Variants in MAP4 observed in about 807,000 individuals in gnomAD.
MAP4 encodes microtubule associated protein 4.
A neutral mutation model predicts 170.2 loss-of-function variants in MAP4; 76 were observed. That is an observed-to-expected ratio of 0.45 (90% confidence interval 0.37 to 0.54). The LOEUF is 0.54. Ranked by LOEUF, MAP4 falls within the 20% of genes least tolerant of loss-of-function variation. The probability of loss-of-function intolerance (pLI) is 0.00; values close to 1 mark genes in which losing one functional copy is unlikely to be tolerated. For missense variants in MAP4, 2,506 were observed against 2,748.0 expected (o/e 0.91, Z 1.97); for synonymous variants, 909 against 994.5 (o/e 0.91, Z 1.62).
intron 3 of MAP4, among the ~76,000 whole-genome samples, chr3:47,956,423 T>C (rs2100067870): frequency 6.6e-6 from 1 of 152,076 alleles, no homozygotes; most frequent in Admixed American, 6.5e-5. Context: ...TTTAAAGAGG[T>C]AGGACTGAAG....
chr3:48,077,900 A>C (rs1387239750), intron 1 of MAP4, among the ~76,000 whole-genome samples: 11 of 152,222 alleles, frequency 7.2e-5, no homozygotes, highest in Non-Finnish European at 1.5e-5. Context: ...TGAACCTAAA[A>C]GCATTATGCT....
Position 47,851,083 on chromosome 3 carries a change from G to A in MAP4, c.*1851C>T, listed in dbSNP as rs1472536740. ...TGCTGTTGCCCCTGAGGTGTCTCCT[G>A]ACTACGCAACCCTGTTTCCTTCCCA... On this transcript the variant is annotated 3_prime_UTR_variant, in exon 21 of 21. Transcript: ENST00000683076. 6.6e-6 allele frequency: 1 copy of A among 152,288 alleles called. No individual in the cohort carries two copies. The highest frequency in any genetic ancestry group is 6.5e-5 in the Admixed American group (1 of 15,280). The allele number at this position is 152,288 out of a possible 1,614,324, so 9.4% of individuals were successfully genotyped here. A position where few individuals can be genotyped will look rare whatever the true frequency, so the allele number is the denominator to read the frequency against.
At chr3:47,946,712 A>T (rs2100060265) in intron 3 of MAP4, among the ~76,000 whole-genome samples, 1 of 151,808 alleles carries the variant, frequency 6.6e-6, no homozygotes, top group South Asian at 2.1e-4. Flanking sequence ...TCAGGATAAT[A>T]GACATAATAA....
chr3:47,922,463 C>A lies in MAP4; in HGVS notation c.416-585G>T, dbSNP rs144777646. ...GGGCAACTAATGCTCAGCTGTATAA[C>A]AAACACTCTGAGAGGTGAAAGTATA... On this transcript the variant is annotated intron_variant, in intron 4 of 20. Coordinates refer to ENST00000683076, the MANE Select transcript of MAP4 (RefSeq NM_001385682.1). 3.4e-3 allele frequency among the ~76,000 whole-genome samples: 518 copies of A among 152,056 alleles called. 3 individuals carry two copies. The highest frequency in any genetic ancestry group is 0.01 in the Middle Eastern group (3 of 292).
intron 1 of MAP4, among the ~76,000 whole-genome samples, chr3:48,076,327 T>A (rs377441531): frequency 6.2e-4 from 94 of 150,506 alleles, no homozygotes; most frequent in African/African-American, 2.2e-3. Flanking sequence ...AAACTTCATC[T>A]CTACTAAAAA....
At chr3:48,088,056 G>A (rs1050807591) in intron 1 of MAP4, among the ~76,000 whole-genome samples, 9 of 152,206 alleles carry the variant, frequency 5.9e-5, no homozygotes, top group Admixed American at 5.2e-4. Flanking sequence ...CTCCTCCACA[G>A]GACAATTTCA....
intron 3 of MAP4, among the ~76,000 whole-genome samples, chr3:47,952,276 C>G (rs920786488): frequency 2.1e-4 from 31 of 149,962 alleles, no homozygotes; most frequent in Admixed American, 4.0e-4. Flanking sequence ...TCAGCCCCCC[C>G]GCCCGGCCAG....
chr3:47,858,618 C>T (rs866887871), intron 17 of MAP4, among the ~76,000 whole-genome samples: 198 of 113,670 alleles, frequency 1.7e-3, no homozygotes, highest in African/African-American at 7.4e-3. Context: ...TGTGTGTGCG[C>T]GTTGTGTGTG....
intron 1 of MAP4, among the ~76,000 whole-genome samples, chr3:48,073,532 A>C (rs1040662355): frequency 2.6e-5 from 4 of 151,022 alleles, no homozygotes; most frequent in African/African-American, 9.7e-5. Context: ...AATCGCTTGA[A>C]CCCAGGAGGC....
chr3:47,855,994 G>A lies in MAP4; in HGVS notation c.6584-634C>T, dbSNP rs1023605720. On this transcript the variant is annotated intron_variant, in intron 18 of 20. Transcript: ENST00000683076. This position sits in a 1 kb window ranked among gnomAD's most constrained non-coding sequence, Gnocchi z 5.1. ...CTGAGGAAGGAAAGACATGGACCAA[G>A]GCAGGCCTGGGATCTAGTGACCTCA... Among the ~76,000 whole-genome samples the A allele has an allele frequency of 1.3e-5, 2 of 152,230 alleles. No individual in the cohort carries two copies. The highest frequency in any genetic ancestry group is 4.8e-5 in the African/African-American group (2 of 41,464).
At chr3:48,048,856 G>C (rs1435661135) in intron 1 of MAP4, among the ~76,000 whole-genome samples, 1 of 151,992 alleles carries the variant, frequency 6.6e-6, no homozygotes, top group Non-Finnish European at 1.5e-5. Flanking sequence ...CTCATGTATA[G>C]ATTTTTATAA....
chr3:47,983,885 C>T (rs946076235), intron 2 of MAP4, among the ~76,000 whole-genome samples: 5 of 152,162 alleles, frequency 3.3e-5, no homozygotes, highest in Admixed American at 3.3e-4. Flanking sequence ...CCAGTGTTGG[C>T]TATTGGGAAC....
chr3:48,040,113 C>T (rs1484439521), intron 1 of MAP4, among the ~76,000 whole-genome samples: 2 of 152,132 alleles, frequency 1.3e-5, no homozygotes, highest in African/African-American at 2.4e-5. Context: ...AAAACAATCA[C>T]TAACAGCTCA....
chr3:47,975,439 C>T (rs756860751), intron 3 of MAP4: 1 of 1,568,268 alleles, frequency 6.4e-7, no homozygotes, highest in Admixed American at 1.9e-5. Context: ...TTGCAGCAGC[C>T]CCAGTGTTGA....
chr3:47,855,667 C>T lies in MAP4; in HGVS notation c.6584-307G>A, dbSNP rs929435953. Among the ~76,000 whole-genome samples the T allele has an allele frequency of 5.9e-5, 9 of 152,184 alleles. No homozygotes were observed. Among genetic ancestry groups the T allele is most frequent in the Non-Finnish European group, 8.8e-5 (6 of 68,040 alleles). On this transcript the variant is annotated intron_variant, in intron 18 of 20. Transcript: ENST00000683076. The surrounding 1 kb of genome is among the most constrained non-coding windows in gnomAD (Gnocchi z 5.1). ...AGGCCTGGGGCTCCGAGCACAGCCT[C>T]CAGGGCGAAGCCTCTGCTTCTCTAC...
rs35456237 is a variant in MAP4 at position 47,931,656 on chromosome 3, AT to A, written c.293-3307del. On this transcript the variant is annotated intron_variant, in intron 3 of 20. Coordinates refer to ENST00000683076, the MANE Select transcript of MAP4 (RefSeq NM_001385682.1). ...ACCACACCTGCCTAATTTAAACAAA[AT>A]TTTTTTTTTTTTTTTTTTGTAGAGA... Among the ~76,000 whole-genome samples the A allele has an allele frequency of 1.6e-3, 207 of 131,378 alleles. 1 individual carries two copies. Among genetic ancestry groups the A allele is most frequent in the East Asian group, 3.6e-3 (16 of 4,420 alleles). The allele number at this position is 131,378 out of a possible 152,430, so 86.2% of individuals were successfully genotyped here. A position where few individuals can be genotyped will look rare whatever the true frequency, so the allele number is the denominator to read the frequency against.
At chr3:48,079,391 C>T (rs940587682) in intron 1 of MAP4, among the ~76,000 whole-genome samples, 2 of 152,064 alleles carry the variant, frequency 1.3e-5, no homozygotes, top group Non-Finnish European at 2.9e-5. Flanking sequence ...CAGTGGCTCA[C>T]GTCTGTAATC....
intron 3 of MAP4, among the ~76,000 whole-genome samples, chr3:47,944,707 G>A: frequency 6.6e-6 from 1 of 151,716 alleles, no homozygotes; most frequent in East Asian, 1.9e-4. Flanking sequence ...CTCCCCCTCT[G>A]GCTATGAGCA....
intron 1 of MAP4, among the ~76,000 whole-genome samples, chr3:48,042,773 A>C (rs986074857): frequency 2.7e-4 from 41 of 152,216 alleles, no homozygotes; most frequent in Non-Finnish European, 3.1e-4. Context: ...CAAATAAATG[A>C]TAAATAAAAT....
Sources: gnomAD v4.1 joint callset for allele counts (sites outside exome capture counted in the v4.1 genomes callset) on GRCh38, gnomAD v4.1.1 for gene constraint, Gnocchi (gnomAD v3.1) non-coding constraint, MANE v1.5 for transcripts, NCBI Gene and HGNC (gene_info 2026-07-23, HGNC 2026-07-21) for gene names.